DUOX1: variants seen among roughly 807,000 people sequenced by gnomAD.
The protein encoded by DUOX1 is dual oxidase 1.
A neutral mutation model predicts 181.8 loss-of-function variants in DUOX1; 134 were observed. The ratio of observed to expected loss-of-function variants is 0.74; its 90% CI spans 0.64 to 0.85. The LOEUF is 0.85. Among genes scored for constraint, DUOX1 ranks in the 40% least tolerant of loss-of-function variants. The pLI is 0.00. For synonymous variants in DUOX1, 798 were observed against 832.5 expected (o/e 0.96, Z 0.71); for missense variants, 1,814 against 2,064.4 (o/e 0.88, Z 2.35).
At chr15:45,139,705 A>G in intron 12 of DUOX1, 106 bp downstream of exon 12, 1 of 1,250,650 alleles carries the variant, frequency 8.0e-7, no homozygotes, top group East Asian at 2.6e-5. Context: ...ACAAGCACCT[A>G]ATGGGAGGGG....
At chr15:45,139,690 A>C in intron 12 of DUOX1, 91 bp downstream of exon 12, 1 of 1,381,820 alleles carries the variant, frequency 7.2e-7, no homozygotes, top group Non-Finnish European at 9.6e-7. Flanking sequence ...ACTTGAGCAC[A>C]AGAGACAAGC....
In DUOX1 at chr15:45,147,447, C is replaced by G. The variant is rs1896682271; in HGVS notation, c.2337C>G (p.Asn779Lys). The G allele has an allele frequency of 6.2e-7, 1 of 1,613,640 alleles. No homozygotes were observed. The highest frequency in any genetic ancestry group is 8.5e-7 in the Non-Finnish European group (1 of 1,179,794). ...RHLFSQVLDINQADAGTLPLD... is the reference protein window; with the variant it reads ...RHLFSQVLDIKQADAGTLPLD... Reference sequence around the variant, plus strand: ...CCCAAGTGCAGGTGCTGGACATCAACCAGGCCGACGCAGGGACCCTGCCCC... The same window carrying G: ...CCCAAGTGCAGGTGCTGGACATCAAGCAGGCCGACGCAGGGACCCTGCCCC... Residue 779 changes from asparagine (N) to lysine (K), a missense_variant, in exon 19 of 34, where the codon AAC becomes AAG. Coordinates refer to ENST00000389037, the MANE Select transcript of DUOX1 (RefSeq NM_175940.3).
chr15:45,138,343 G>A (rs1017518642), intron 10 of DUOX1, among the ~76,000 whole-genome samples: 3 of 152,134 alleles, frequency 2.0e-5, no homozygotes, highest in East Asian at 1.9e-4. Flanking sequence ...CCTCTCCTTC[G>A]ACAGCTTTGG....
In DUOX1 at chr15:45,151,876, T is replaced by G; in HGVS notation, c.3017T>G (p.Val1006Gly). 1.9e-6 allele frequency: 3 copies of G among 1,610,544 alleles called. No homozygotes were observed. The highest frequency in any genetic ancestry group is 2.5e-6 in the Non-Finnish European group (3 of 1,178,024). The change falls in exon 24 of 34, where the codon GTA becomes GGA. Residue 1006 changes from valine (V) to glycine (G), a missense_variant and splice_region_variant. Around this residue, in one of 5 missense-constraint regions of DUOX1, gnomAD observed 1,064 missense variants for 1,152.9 expected, o/e 0.92. Transcript: ENST00000389037. ...GGCTAAGGCTTCCTGTCTCCCAGGG[T>G]AACGTCATTCCAGCCCTTGCTGTTC... ...QEIRRRFGKKVTSFQPLLFTE... is the reference protein window; with the variant it reads ...QEIRRRFGKKGTSFQPLLFTE...
chr15:45,144,828 C>T (rs1896606124), intron 17 of DUOX1, 67 bp from the exon 18 acceptor site: 2 of 1,505,414 alleles, frequency 1.3e-6, no homozygotes, highest in South Asian at 1.3e-5. Flanking sequence ...CTGACATAAT[C>T]CACATAAACT....
chr15:45,152,395 G>A lies in DUOX1; in HGVS notation c.3303G>A (p.Leu1101=). 6.2e-7 allele frequency: 1 copy of A among 1,614,186 alleles called. No individual in the cohort carries two copies. The highest frequency in any genetic ancestry group is 1.1e-5 in the South Asian group (1 of 91,088). ...ASISFMFSYI[L]LTMCRNLITF... ...TCTCTTTCATGTTCTCCTACATCTT[G>A]CTCACCATGTGCCGCAACCTCATCA... is the stretch of plus-strand genomic sequence containing the variant. Residue 1101 remains leucine (L), a synonymous_variant, in exon 25 of 34, where the codon TTG becomes TTA. Coordinates refer to ENST00000389037, the MANE Select transcript of DUOX1 (RefSeq NM_175940.3).
Position 45,152,280 on chromosome 15 carries a change from CCA to C in DUOX1, c.3194-3_3194-2del. The C allele has an allele frequency of 5.0e-6, 8 of 1,612,234 alleles. No homozygotes were observed. Among genetic ancestry groups the C allele is most frequent in the Non-Finnish European group, 6.8e-6 (8 of 1,178,828 alleles). ...CCTCGCTTGCCTGCCTGGGCCCCCT[CCA>C]CAGACTACGCCTTTGCCGCACATCA... On this transcript the variant is annotated splice_polypyrimidine_tract_variant and splice_region_variant and intron_variant, in intron 24 of 33. Coordinates refer to ENST00000389037, the MANE Select transcript of DUOX1 (RefSeq NM_175940.3).
intron 4 of DUOX1, 22 bp from the exon 5 acceptor site, chr15:45,135,082 C>A (rs766609708): frequency 1.1e-5 from 18 of 1,608,192 alleles, no homozygotes; most frequent in East Asian, 2.3e-5. Context: ...TGCCCTAGCA[C>A]CCCCTCCTGC....
chr15:45,134,048 A>G, intron 3 of DUOX1, 97 bp from the exon 4 acceptor site: 1 of 1,561,520 alleles, frequency 6.4e-7, no homozygotes, highest in South Asian at 1.2e-5. Context: ...TCCATTTCCA[A>G]GGTTTTAGGA....
chr15:45,150,642 G>A lies in DUOX1; in HGVS notation c.2829G>A (p.Val943=). The part of the protein sequence containing the change: ...FTQLCVKGVE[V]PEVIKDLCRR... ...GGCTCTGCTTTGCAGGGGTGGAGGT[G>A]CCTGAAGTCATCAAGGACCTCTGCC... is the stretch of plus-strand genomic sequence containing the variant. The change falls in exon 22 of 34, where the codon GTG becomes GTA. Residue 943 remains valine, a synonymous_variant. Coordinates refer to ENST00000389037, the MANE Select transcript of DUOX1 (RefSeq NM_175940.3). 2 of 1,613,914 alleles carry A rather than the reference G, an allele frequency of 1.2e-6. No homozygotes were observed. The highest frequency in any genetic ancestry group is 1.7e-6 in the Non-Finnish European group (2 of 1,180,004).
intron 18 of DUOX1, 140 bp downstream of exon 18, chr15:45,145,220 C>A: frequency 2.5e-6 from 2 of 787,978 alleles, no homozygotes; most frequent in Non-Finnish European, 3.8e-6. Flanking sequence ...GATGAATCAC[C>A]AGACTTTATC....
chr15:45,145,112 CTG>C (rs753801603), intron 18 of DUOX1, 32 bp downstream of exon 18: 12 of 1,545,846 alleles, frequency 7.8e-6, no homozygotes, highest in Non-Finnish European at 1.0e-5. Flanking sequence ...AATCCTTATG[CTG>C]TGGTGGTGTC....
At chr15:45,153,749 T>C (rs534216713) in intron 26 of DUOX1, 24 of 635,658 alleles carry the variant, frequency 3.8e-5, no homozygotes, top group South Asian at 3.4e-4. Flanking sequence ...TAGCTGGGCA[T>C]GGTGGTGCGT....
chr15:45,136,477 T>C (rs1896319288), intron 8 of DUOX1, 52 bp from the exon 9 acceptor site: 1 of 1,613,842 alleles, frequency 6.2e-7, no homozygotes, highest in East Asian at 2.2e-5. Flanking sequence ...GGGGACTACG[T>C]TGGGGATTTT....
At chr15:45,156,377 G>A (rs1206072310) in intron 28 of DUOX1, among the ~76,000 whole-genome samples, 2 of 152,198 alleles carry the variant, frequency 1.3e-5, no homozygotes, top group African/African-American at 4.8e-5. Flanking sequence ...AGTGCCACCT[G>A]TACAGTATAT....
chr15:45,134,952 G>T, intron 4 of DUOX1, 152 bp from the exon 5 acceptor site: 2 of 784,514 alleles, frequency 2.5e-6, no homozygotes, highest in Non-Finnish European at 4.0e-6. Context: ...ACAAACAACT[G>T]GGAGGGAGTG....
intron 2 of DUOX1, 42 bp downstream of exon 2, chr15:45,132,066 AACCC>A: frequency 6.5e-7 from 1 of 1,543,914 alleles, no homozygotes; most frequent in Non-Finnish European, 8.7e-7. Context: ...GGAGCAGAGG[AACCC>A]AGCATCCTCT....
intron 15 of DUOX1, among the ~76,000 whole-genome samples, chr15:45,142,640 A>G (rs1387253035): frequency 6.6e-6 from 1 of 152,026 alleles, no homozygotes; most frequent in Admixed American, 6.5e-5. Context: ...CAGGAGAATC[A>G]ATTGAATCTG....
At chr15:45,135,438 C>G in intron 5 of DUOX1, 36 bp from the exon 6 acceptor site, 1 of 1,537,580 alleles carries the variant, frequency 6.5e-7, no homozygotes, top group Non-Finnish European at 8.7e-7. Context: ...TCGCCGCCGC[C>G]CATCGACCCG....
Sources: allele counts gnomAD v4.1 joint callset (sites outside exome capture counted in the v4.1 genomes callset), GRCh38; gene constraint gnomAD v4.1.1; regional missense constraint gnomAD v4.1.1; transcripts MANE v1.5; gene names NCBI Gene and HGNC (gene_info 2026-07-23, HGNC 2026-07-21).